The following PCBP3 variants were observed in gnomAD, a reference collection of about 807,000 sequenced individuals.
The protein encoded by PCBP3 is poly(rC)-binding protein 3.
A neutral mutation model predicts 52.7 loss-of-function variants in PCBP3; 25 were observed. The observed-to-expected ratio is 0.47, with a 90% CI of 0.35 to 0.66. PCBP3 has a LOEUF of 0.66. PCBP3 is among the 30% of genes least tolerant of loss of function. The pLI, the probability that PCBP3 is intolerant of heterozygous loss-of-function variation, is 0.01. For missense variants in PCBP3, 391 were observed against 490.3 expected (o/e 0.80, Z 1.91); for synonymous variants, 162 against 183.0 (o/e 0.89, Z 0.93).
chr21:45,926,239 G>A (rs576764500), intron 13 of PCBP3, among the ~76,000 whole-genome samples: 14 of 152,306 alleles, frequency 9.2e-5, no homozygotes, highest in African/African-American at 1.7e-4. Context: ...AGTGCAGCAC[G>A]TTACCCCCAC....
chr21:45,812,348 C>T (rs910981605), intron 4 of PCBP3, among the ~76,000 whole-genome samples: 7 of 152,288 alleles, frequency 4.6e-5, no homozygotes, highest in African/African-American at 1.2e-4. Flanking sequence ...CTCTTTCTCA[C>T]GGATCTGAGT....
chr21:45,844,196 G>C (rs943328640), intron 4 of PCBP3, among the ~76,000 whole-genome samples: 1 of 151,990 alleles, frequency 6.6e-6, no homozygotes, highest in South Asian at 2.1e-4. Context: ...CTCCAAGGCT[G>C]CCCTTTGAGC....
rs540254977 is a variant in PCBP3, at chr21:45,724,073, A to G, written c.-199-11319A>G. The stretch of plus-strand genomic sequence containing the variant: ...CTCACCTGGAGGGGGTAAGTTAATG[A>G]GACACTCTCTCCCCCAGATCTGGAG... On this transcript the variant is annotated intron_variant, in intron 2 of 17. Coordinates refer to ENST00000681687, the MANE Select transcript of PCBP3 (RefSeq NM_001384156.1). This position sits in a 1 kb window ranked among gnomAD's most constrained non-coding sequence, Gnocchi z 5.3. Among the ~76,000 whole-genome samples the G allele has an allele frequency of 1.3e-5, 2 of 152,296 alleles. No homozygotes were observed. Among genetic ancestry groups the G allele is most frequent in the South Asian group, 4.1e-4 (2 of 4,822 alleles).
At chr21:45,935,519 G>T (rs1352732079) in intron 16 of PCBP3, 2 of 677,850 alleles carry the variant, frequency 3.0e-6, no homozygotes, top group Non-Finnish European at 5.4e-6. Context: ...CTAAGATGTT[G>T]AACAAGCAAC....
At chr21:45,840,874 C>T (rs2093686013) in intron 4 of PCBP3, among the ~76,000 whole-genome samples, 1 of 152,206 alleles carries the variant, frequency 6.6e-6, no homozygotes. Flanking sequence ...CTCAGCTTTC[C>T]AAAGTGCTGG....
At chr21:45,770,014 C>T (rs987823475) in intron 4 of PCBP3, among the ~76,000 whole-genome samples, 7 of 152,158 alleles carry the variant, frequency 4.6e-5, no homozygotes, top group Admixed American at 2.6e-4. Context: ...CACAGTGGGC[C>T]GTGGAGATGG....
chr21:45,656,573 G>A lies in PCBP3; in HGVS notation c.-278-12301G>A, dbSNP rs577989351. 1.3e-3 allele frequency among the ~76,000 whole-genome samples: 201 copies of A among 151,990 alleles called. No homozygotes were observed. Among genetic ancestry groups the A allele is most frequent in the African/African-American group, 4.6e-3 (191 of 41,466 alleles). ...GGGTTGATGGGTGCAGCAAACCACC[G>A]TGGCATGTGTATACCTGTGTAACAA... On this transcript the variant is annotated intron_variant, in intron 1 of 17. Coordinates refer to ENST00000681687, the MANE Select transcript of PCBP3 (RefSeq NM_001384156.1). This position sits in a 1 kb window ranked among gnomAD's most constrained non-coding sequence, Gnocchi z 4.3.
Position 45,805,739 on chromosome 21 carries a change from T to C in PCBP3, c.-125-44222T>C, listed in dbSNP as rs992627198. 2.6e-4 allele frequency among the ~76,000 whole-genome samples: 39 copies of C among 152,160 alleles called. No homozygotes were observed. The highest frequency in any genetic ancestry group is 8.2e-4 in the African/African-American group (34 of 41,434). On this transcript the variant is annotated intron_variant, in intron 4 of 17. Transcript: ENST00000681687. This position sits in a 1 kb window ranked among gnomAD's most constrained non-coding sequence, Gnocchi z 4.6. ...GCTTGCAGGCATGCTCCTGTCTTTC[T>C]GTGGTGGTAAAGGTGACATCCCCTC...
intron 2 of PCBP3, among the ~76,000 whole-genome samples, chr21:45,703,502 C>G (rs78874553): frequency 6.6e-6 from 1 of 152,160 alleles, no homozygotes; most frequent in Admixed American, 6.5e-5. Context: ...TTGAGAGGAA[C>G]CTTTTTCTGG....
rs138887040 is a variant in PCBP3, at chr21:45,703,390, C to T, written c.-199-32002C>T. Among the ~76,000 whole-genome samples, 94 of 152,354 alleles carry T rather than the reference C, an allele frequency of 6.2e-4. 1 individual carries two copies. Among genetic ancestry groups the T allele is most frequent in the Middle Eastern group, 6.8e-3 (2 of 294 alleles). On this transcript the variant is annotated intron_variant, in intron 2 of 17. Coordinates refer to ENST00000681687, the MANE Select transcript of PCBP3 (RefSeq NM_001384156.1). ...GTCAAAATTACTCCTTGACCCGTGT[C>T]TTGCAGAATGGATGCGGTGTTAACG...
intron 4 of PCBP3, among the ~76,000 whole-genome samples, chr21:45,808,909 AATC>A (rs1301360220): frequency 2.0e-5 from 3 of 152,212 alleles, no homozygotes; most frequent in Non-Finnish European, 4.4e-5. Flanking sequence ...TGAAGCTGGA[AATC>A]ATCATTCTCA....
At chr21:45,899,347 T>TCAGCCCATCTCTGTC (rs1232711296) in intron 6 of PCBP3, among the ~76,000 whole-genome samples, 1 of 152,146 alleles carries the variant, frequency 6.6e-6, no homozygotes, top group African/African-American at 2.4e-5. Context: ...GCACTTACAG[T>TCAGCCCATCTCTGTC]CAGCCCATCT....
At chr21:45,702,910 A>G (rs1349981528) in intron 2 of PCBP3, among the ~76,000 whole-genome samples, 1 of 152,170 alleles carries the variant, frequency 6.6e-6, no homozygotes, top group South Asian at 2.1e-4. Flanking sequence ...TGTAATATTA[A>G]TATTCTAAAC....
chr21:45,874,587 C>G (rs2095176362), intron 5 of PCBP3, among the ~76,000 whole-genome samples: 1 of 150,976 alleles, frequency 6.6e-6, no homozygotes, highest in Non-Finnish European at 1.5e-5. Flanking sequence ...CTTACTGCAA[C>G]CTCGGGCTCC....
At chr21:45,686,741 GAAAT>G (rs1274480492) in intron 2 of PCBP3, among the ~76,000 whole-genome samples, 3 of 152,110 alleles carry the variant, frequency 2.0e-5, no homozygotes, top group African/African-American at 7.2e-5. Flanking sequence ...CTTTGACAGT[GAAAT>G]AAATATCAGA....
intron 5 of PCBP3, among the ~76,000 whole-genome samples, chr21:45,868,895 C>T (rs1050359241): frequency 6.6e-6 from 1 of 152,226 alleles, no homozygotes; most frequent in East Asian, 1.9e-4. Flanking sequence ...GCTCGGTGGA[C>T]ACTTCTCTTT....
chr21:45,935,102 G>C, intron 15 of PCBP3, 151 bp from the exon 16 acceptor site: 1 of 594,270 alleles, frequency 1.7e-6, no homozygotes, highest in East Asian at 2.9e-5. Flanking sequence ...GAAGCTCACA[G>C]GGTCCTGGCC....
chr21:45,911,125 A>G lies in PCBP3; in HGVS notation c.600+95A>G. 2.1e-6 allele frequency: 3 copies of G among 1,419,270 alleles called. No individual in the cohort carries two copies. In the East Asian group the frequency reaches 6.9e-5, roughly 32 times the overall value. The allele number at this position is 1,419,270 out of a possible 1,614,324, so 87.9% of individuals were successfully genotyped here. ...CTTGGAAGCCCCGGTCGCCCCAAGGACTCACACAGTTGGGGCTGTGGGGGG... is the reference window on the plus strand; with the variant it reads ...CTTGGAAGCCCCGGTCGCCCCAAGGGCTCACACAGTTGGGGCTGTGGGGGG... On this transcript the variant is annotated intron_variant, in intron 11 of 17. Coordinates refer to ENST00000681687, the MANE Select transcript of PCBP3 (RefSeq NM_001384156.1).
chr21:45,807,812 G>A (rs1218088204), intron 4 of PCBP3, among the ~76,000 whole-genome samples: 2 of 151,160 alleles, frequency 1.3e-5, no homozygotes, highest in African/African-American at 2.4e-5. Context: ...ATACTACAAG[G>A]CTACAGTAAC....
Sources: allele counts gnomAD v4.1 joint callset (sites outside exome capture counted in the v4.1 genomes callset), GRCh38; gene constraint gnomAD v4.1.1; non-coding constraint Gnocchi (gnomAD v3.1); transcripts MANE v1.5; gene names NCBI Gene and HGNC (gene_info 2026-07-23, HGNC 2026-07-21).